Variants in WASF1 observed in about 807,000 individuals in gnomAD.
The protein encoded by WASF1 is actin-binding protein WASF1.
WASF1 carries 7 observed loss-of-function variants against 50.5 expected under a neutral mutation model. The observed-to-expected ratio is 0.14, with a 90% CI of 0.08 to 0.26. The LOEUF (loss-of-function observed/expected upper bound fraction) is 0.26, where lower values mean the gene tolerates loss of function less well. Among genes scored for constraint, WASF1 ranks in the 10% least tolerant of loss-of-function variants. The probability of loss-of-function intolerance (pLI) is 1.00; values close to 1 mark genes in which losing one functional copy is unlikely to be tolerated. For synonymous variants in WASF1, 205 were observed against 244.0 expected (o/e 0.84, Z 1.49); for missense variants, 470 against 694.7 (o/e 0.68, Z 3.64).
At chr6:110,111,478 C>T (rs189916155) in intron 5 of WASF1, among the ~76,000 whole-genome samples, 18 of 151,884 alleles carry the variant, frequency 1.2e-4, no homozygotes, top group African/African-American at 4.3e-4. Flanking sequence ...AATAAAAACA[C>T]GAATAATACA....
At chr6:110,167,950 G>T (rs1238914812) in intron 2 of WASF1, among the ~76,000 whole-genome samples, 1 of 151,946 alleles carries the variant, frequency 6.6e-6, no homozygotes, top group African/African-American at 2.4e-5. Flanking sequence ...ACCACACTGA[G>T]TATTTAATGA....
At chr6:110,105,316 C>T in intron 8 of WASF1, 91 bp downstream of exon 8, 1 of 1,291,924 alleles carries the variant, frequency 7.7e-7, no homozygotes, top group Non-Finnish European at 1.0e-6. Context: ...TCTGCCTGTT[C>T]AACAGTTTAG....
At chr6:110,144,793 G>C (rs1309479215) in intron 3 of WASF1, among the ~76,000 whole-genome samples, 1 of 152,090 alleles carries the variant, frequency 6.6e-6, no homozygotes, top group Non-Finnish European at 1.5e-5. Context: ...ATTTCTGAGG[G>C]CTCTGTTCTG....
chr6:110,106,174 G>A (rs781513163), intron 7 of WASF1, among the ~76,000 whole-genome samples: 2 of 152,158 alleles, frequency 1.3e-5, no homozygotes, highest in South Asian at 2.1e-4. Flanking sequence ...GCGGCCAAGC[G>A]GATAACATAC....
At chr6:110,140,515 G>A (rs1387263540) in intron 3 of WASF1, among the ~76,000 whole-genome samples, 2 of 152,138 alleles carry the variant, frequency 1.3e-5, no homozygotes, top group Non-Finnish European at 2.9e-5. Flanking sequence ...ATCTCAAGAG[G>A]TGGCAGTCTT....
At chr6:110,164,163 TACA>T (rs1356891091) in intron 2 of WASF1, among the ~76,000 whole-genome samples, 1 of 151,586 alleles carries the variant, frequency 6.6e-6, no homozygotes, top group Non-Finnish European at 1.5e-5. Context: ...ACATTTTAAA[TACA>T]ACAACAAAGG....
At chr6:110,113,257 A>T in intron 5 of WASF1, 69 bp downstream of exon 5, 2 of 1,299,880 alleles carry the variant, frequency 1.5e-6, no homozygotes, top group South Asian at 2.0e-5. Flanking sequence ...TAATACTGTT[A>T]AGTATATCAT....
chr6:110,102,107 A>C lies in WASF1; in HGVS notation c.1003T>G (p.Leu335Val). Residue 335 changes from leucine to valine, a missense_variant, in exon 10 of 11, where the codon TTG becomes GTG. By Grantham distance (32) the Leu-to-Val change is conservative. This residue lies in a region of WASF1 where 294 missense variants were observed against 343.5 expected (regional missense o/e 0.86). Coordinates refer to ENST00000392589, the MANE Select transcript of WASF1 (RefSeq NM_003931.3). Reference sequence around the variant, plus strand: ...GAAGCTCTTAATGAGGAAGTTGACAAGGCAGATGGAAGAGGTGGTGGAGGA... The same window carrying C: ...GAAGCTCTTAATGAGGAAGTTGACACGGCAGATGGAAGAGGTGGTGGAGGA... ...PPPPPPLPSA[L>V]STSSLRASMT... is the part of the protein sequence containing the mutation. 1 of 1,498,178 alleles carries C rather than the reference A, an allele frequency of 6.7e-7. No individual in the cohort carries two copies. Among genetic ancestry groups the C allele is most frequent in the South Asian group, 1.4e-5 (1 of 71,416 alleles). 92.8% of individuals were successfully genotyped at this position (1,498,178 alleles called of 1,614,324 possible).
At chr6:110,149,942 G>A (rs532199040) in intron 3 of WASF1, among the ~76,000 whole-genome samples, 2 of 152,166 alleles carry the variant, frequency 1.3e-5, no homozygotes, top group South Asian at 2.1e-4. Context: ...TGCCCAGGCT[G>A]GTGTCGAACT....
chr6:110,107,209 AT>A lies in WASF1; in HGVS notation c.423-16del. 1.3e-6 allele frequency: 2 copies of A among 1,511,164 alleles called. No homozygotes were observed. The highest frequency in any genetic ancestry group is 1.8e-6 in the Non-Finnish European group (2 of 1,108,658). The allele number at this position is 1,511,164 out of a possible 1,614,324, so 93.6% of individuals were successfully genotyped here. A position where few individuals can be genotyped will look rare whatever the true frequency, so the allele number is the denominator to read the frequency against. ...TACCATCATCTCTGAAATATAAAAT[AT>A]CAATTAAAACACACATTAGTAAGAC... On this transcript the variant is annotated splice_polypyrimidine_tract_variant and intron_variant, in intron 6 of 10. Transcript: ENST00000392589.
At chr6:110,155,547 T>TC (rs1223106631) in intron 3 of WASF1, among the ~76,000 whole-genome samples, 1 of 120,262 alleles carries the variant, frequency 8.3e-6, no homozygotes, top group Non-Finnish European at 1.6e-5. Context: ...TTTTTTTTTT[T>TC]TTTTTTTTTT....
intron 2 of WASF1, among the ~76,000 whole-genome samples, chr6:110,169,192 T>C (rs951552496): frequency 6.6e-6 from 1 of 152,114 alleles, no homozygotes; most frequent in Non-Finnish European, 1.5e-5. Flanking sequence ...AATTCTAAAT[T>C]ACTTACACAA....
chr6:110,125,726 T>C (rs1036847067), intron 4 of WASF1, among the ~76,000 whole-genome samples: 21 of 152,186 alleles, frequency 1.4e-4, no homozygotes, highest in Non-Finnish European at 2.6e-4. Context: ...TGTTTTTGAA[T>C]CTCTACAAAC....
At chr6:110,145,214 T>C (rs1775497766) in intron 3 of WASF1, among the ~76,000 whole-genome samples, 1 of 152,230 alleles carries the variant, frequency 6.6e-6, no homozygotes, top group South Asian at 2.1e-4. Flanking sequence ...TTATTCTCTT[T>C]GAAGCAATTG....
In WASF1 at chr6:110,122,125, G is replaced by A. The variant is rs1011905747; in HGVS notation, c.133+5344C>T. Among the ~76,000 whole-genome samples the A allele has an allele frequency of 5.1e-4, 78 of 151,796 alleles. 1 individual carries two copies. The highest frequency in any genetic ancestry group is 1.8e-3 in the African/African-American group (73 of 41,372). ...GGTGCAGCAAACCACCATGGCACAT[G>A]TATACCTATGTAACAAACCTGCACA... On this transcript the variant is annotated intron_variant, in intron 4 of 10. Transcript: ENST00000392589.
intron 4 of WASF1, among the ~76,000 whole-genome samples, chr6:110,124,274 CTATATATATATATA>C (rs35703116): frequency 1.4e-3 from 28 of 20,504 alleles, no homozygotes; most frequent in African/African-American, 6.5e-3. Flanking sequence ...CTCTCTCTCT[CTATATATATATATA>C]TATATATATA....
At chr6:110,147,302 T>C (rs968760966) in intron 3 of WASF1, among the ~76,000 whole-genome samples, 22 of 146,404 alleles carry the variant, frequency 1.5e-4, no homozygotes, top group Non-Finnish European at 6.0e-5. Flanking sequence ...GCCGAGATCA[T>C]GCCACTGCAC....
chr6:110,124,272 CTCTATATATATA>C (rs1774314587), intron 4 of WASF1, among the ~76,000 whole-genome samples: 4 of 42,662 alleles, frequency 9.4e-5, no homozygotes, highest in African/African-American at 2.8e-4. Context: ...CTCTCTCTCT[CTCTATATATATA>C]TATATATATA....
Position 110,103,395 on chromosome 6 carries a change from C to T in WASF1, c.876G>A (p.Pro292=), listed in dbSNP as rs188463520. Residue 292 remains proline (P), a synonymous_variant, in exon 9 of 11, where the codon CCG becomes CCA. Coordinates refer to ENST00000392589, the MANE Select transcript of WASF1 (RefSeq NM_003931.3). Reference sequence around the variant, plus strand: ...CAACATACCTGATACAGGTGGGTATCGGTTTTGCATCTCCTGCTCCATGCA... The same window carrying T: ...CAACATACCTGATACAGGTGGGTATTGGTTTTGCATCTCCTGCTCCATGCA... ...PPMHGAGDAK[P]IPTCISSATG... is the part of the protein sequence containing the mutation. The T allele has an allele frequency of 3.0e-5, 49 of 1,612,620 alleles. No individual in the cohort carries two copies. In the Admixed American group the frequency reaches 5.8e-4, roughly 19 times the overall value.
Sources: allele counts gnomAD v4.1 joint callset (sites outside exome capture counted in the v4.1 genomes callset), GRCh38; gene constraint gnomAD v4.1.1; regional missense constraint gnomAD v4.1.1; transcripts MANE v1.5; gene names NCBI Gene and HGNC (gene_info 2026-07-23, HGNC 2026-07-21).